Variants in STXBP6 observed in about 807,000 individuals in gnomAD.
STXBP6 encodes syntaxin binding protein 6, also known as syntaxin-binding protein 6.
STXBP6 carries 21 observed loss-of-function variants against 26.9 expected under a neutral mutation model. That is an observed-to-expected ratio of 0.78 (90% confidence interval 0.55 to 1.12). STXBP6 has a LOEUF of 1.12. Ranked by LOEUF, STXBP6 falls within the 50% of genes most tolerant of loss-of-function variation. The probability of loss-of-function intolerance (pLI) is 0.00; values close to 1 mark genes in which losing one functional copy is unlikely to be tolerated. For synonymous variants in STXBP6, 97 were observed against 92.6 expected (o/e 1.05, Z -0.27); for missense variants, 232 against 257.9 (o/e 0.90, Z 0.69).
intron 2 of STXBP6, among the ~76,000 whole-genome samples, chr14:24,919,169 T>G (rs763611392): frequency 1.1e-4 from 17 of 152,094 alleles, no homozygotes; most frequent in Non-Finnish European, 2.4e-4. Flanking sequence ...CAACAGGTAC[T>G]ATGTCGAGTT....
In STXBP6 at chr14:24,974,825, A is replaced by G; in HGVS notation, c.-7T>C. The G allele has an allele frequency of 6.3e-7, 1 of 1,598,486 alleles. No individual in the cohort carries two copies. Among genetic ancestry groups the G allele is most frequent in the Non-Finnish European group, 8.5e-7 (1 of 1,171,398 alleles). On this transcript the variant is annotated 5_prime_UTR_variant, in exon 2 of 6. Coordinates refer to ENST00000323944, the MANE Select transcript of STXBP6 (RefSeq NM_001394410.1). ...TAGCAGATTTGGCACTCATTGTAGA[A>G]CAAGTGAGGACAGCACGCAGTGAAT...
intron 2 of STXBP6, among the ~76,000 whole-genome samples, chr14:24,969,090 T>G (rs2073824535): frequency 6.6e-6 from 1 of 152,222 alleles, no homozygotes. Flanking sequence ...TACATGTCAT[T>G]ACCTTCCATG....
intron 2 of STXBP6, among the ~76,000 whole-genome samples, chr14:24,930,155 A>T (rs1258538999): frequency 3.3e-5 from 5 of 152,202 alleles, no homozygotes; most frequent in Non-Finnish European, 5.9e-5. Flanking sequence ...GTGGTAACAT[A>T]TTGCTCAGAT....
chr14:24,979,821 C>T (rs549076018), intron 1 of STXBP6, among the ~76,000 whole-genome samples: 3 of 152,258 alleles, frequency 2.0e-5, no homozygotes, highest in South Asian at 2.1e-4. Flanking sequence ...TGGGTCTTCA[C>T]CATCCCCGGC....
At chr14:25,012,810 T>C (rs758715009) in intron 1 of STXBP6, among the ~76,000 whole-genome samples, 8 of 152,254 alleles carry the variant, frequency 5.3e-5, no homozygotes, top group South Asian at 4.1e-4. Context: ...TTGAGAACCA[T>C]TGGCCTAGCA....
chr14:24,980,866 AT>A (rs1160012588), intron 1 of STXBP6, among the ~76,000 whole-genome samples: 3 of 152,232 alleles, frequency 2.0e-5, no homozygotes, highest in African/African-American at 4.8e-5. Context: ...AGGAAAAAAA[AT>A]ATCTTAAAGT....
intron 2 of STXBP6, among the ~76,000 whole-genome samples, chr14:24,924,804 G>A (rs756077280): frequency 3.3e-5 from 5 of 152,118 alleles, no homozygotes; most frequent in Non-Finnish European, 7.4e-5. Context: ...GTCAGATTAC[G>A]ACAAGTGACA....
intron 2 of STXBP6, among the ~76,000 whole-genome samples, chr14:24,967,472 C>G (rs1463243715): frequency 6.6e-6 from 1 of 152,172 alleles, no homozygotes; most frequent in African/African-American, 2.4e-5. Flanking sequence ...TAACCAATGG[C>G]TATTGTTTTA....
intron 1 of STXBP6, among the ~76,000 whole-genome samples, chr14:25,045,408 C>T (rs187717403): frequency 3.2e-4 from 49 of 152,172 alleles, no homozygotes; most frequent in African/African-American, 1.1e-3. Context: ...AACATATTCT[C>T]GGAACTGCTG....
chr14:25,049,074 T>C lies in STXBP6; in HGVS notation c.-33+804A>G. 3.4e-6 allele frequency: 3 copies of C among 873,266 alleles called. No individual in the cohort carries two copies. The highest frequency in any genetic ancestry group is 4.1e-6 in the Non-Finnish European group (3 of 727,420). 54.1% of individuals were successfully genotyped at this position (873,266 alleles called of 1,614,324 possible). ...CAGATACACCCCGGGGACTTTCTCCTAAAGAACAAGATGTCTTTCCAAATT... is the reference window on the plus strand; with the variant it reads ...CAGATACACCCCGGGGACTTTCTCCCAAAGAACAAGATGTCTTTCCAAATT... On this transcript the variant is annotated intron_variant, in intron 1 of 5. Transcript: ENST00000323944. The surrounding 1 kb of genome is among the most constrained non-coding windows in gnomAD (Gnocchi z 5.6).
chr14:25,041,214 C>A (rs182555135), intron 1 of STXBP6, among the ~76,000 whole-genome samples: 1,522 of 152,076 alleles, frequency 0.01, 13 homozygotes, highest in Non-Finnish European at 0.014. Flanking sequence ...CCCAGCTACT[C>A]AGGAGGCTGA....
In STXBP6 at chr14:25,022,457, T is replaced by C. The variant is rs191728851; in HGVS notation, c.-33+27421A>G. Among the ~76,000 whole-genome samples, 455 of 152,256 alleles carry C rather than the reference T, an allele frequency of 3.0e-3. 2 individuals are homozygous for C. The highest frequency in any genetic ancestry group is 0.01 in the African/African-American group (428 of 41,554). On this transcript the variant is annotated intron_variant, in intron 1 of 5. Coordinates refer to ENST00000323944, the MANE Select transcript of STXBP6 (RefSeq NM_001394410.1). ...TACGGCCAGGTAAGTTGGGGAATGATTGGCTCACCCTGGGTCACACACTTC... is the reference window on the plus strand; with the variant it reads ...TACGGCCAGGTAAGTTGGGGAATGACTGGCTCACCCTGGGTCACACACTTC...
At chr14:24,996,066 C>T (rs1464841503) in intron 1 of STXBP6, among the ~76,000 whole-genome samples, 3 of 152,030 alleles carry the variant, frequency 2.0e-5, no homozygotes, top group African/African-American at 4.8e-5. Flanking sequence ...CTCATTCTCC[C>T]CCTCCCCACC....
At chr14:24,864,324 G>A (rs1280850095) in intron 2 of STXBP6, among the ~76,000 whole-genome samples, 1 of 152,078 alleles carries the variant, frequency 6.6e-6, no homozygotes. Flanking sequence ...GAAAAGTGTA[G>A]GGCAAACAGC....
At chr14:24,995,771 T>C (rs1384849451) in intron 1 of STXBP6, among the ~76,000 whole-genome samples, 1 of 152,150 alleles carries the variant, frequency 6.6e-6, no homozygotes, top group South Asian at 2.1e-4. Context: ...AGTAACTAAA[T>C]ACCCTTGAAT....
At chr14:24,968,080 T>C (rs1381451406) in intron 2 of STXBP6, among the ~76,000 whole-genome samples, 1 of 151,814 alleles carries the variant, frequency 6.6e-6, no homozygotes, top group South Asian at 2.1e-4. Context: ...AATTAAATAA[T>C]ATAATATGCA....
intron 1 of STXBP6, among the ~76,000 whole-genome samples, chr14:25,020,412 G>C (rs182715496): frequency 5.3e-4 from 81 of 152,196 alleles, no homozygotes; most frequent in African/African-American, 1.8e-3. Flanking sequence ...AAGGTAAGGA[G>C]GTTTAGAGGA....
intron 2 of STXBP6, among the ~76,000 whole-genome samples, chr14:24,930,260 G>A (rs571968026): frequency 6.6e-6 from 1 of 152,330 alleles, no homozygotes; most frequent in East Asian, 1.9e-4. Context: ...GAAATGGGGA[G>A]AGTATTTTCA....
intron 2 of STXBP6, among the ~76,000 whole-genome samples, chr14:24,873,508 G>A (rs1211635957): frequency 6.6e-6 from 1 of 152,122 alleles, no homozygotes; most frequent in African/African-American, 2.4e-5. Flanking sequence ...CATTTCCAGA[G>A]GTAACAGAGT....
Sources: allele counts gnomAD v4.1 joint callset (sites outside exome capture counted in the v4.1 genomes callset), GRCh38; gene constraint gnomAD v4.1.1; non-coding constraint Gnocchi (gnomAD v3.1); transcripts MANE v1.5; gene names NCBI Gene and HGNC (gene_info 2026-07-23, HGNC 2026-07-21).